Variants in MBP observed in about 807,000 individuals in gnomAD.
MBP encodes the protein Golli-MBP.
A neutral mutation model predicts 35.8 loss-of-function variants in MBP; 16 were observed. The ratio of observed to expected loss-of-function variants is 0.45; its 90% CI spans 0.30 to 0.68. MBP has a LOEUF of 0.68. MBP is among the 30% of genes least tolerant of loss of function. MBP has a pLI of 0.08. For missense variants in MBP, 380 were observed against 404.7 expected, an observed-to-expected ratio of 0.94 and a Z score of 0.52; for synonymous variants, 143 against 159.6, an observed-to-expected ratio of 0.90 and a Z score of 0.78.
intron 1 of MBP, among the ~76,000 whole-genome samples, chr18:77,122,209 ACAGTTTTC>A (rs1976905371): frequency 6.6e-6 from 1 of 152,174 alleles, no homozygotes; most frequent in Non-Finnish European, 1.5e-5. Flanking sequence ...ACATGTTTTA[ACAGTTTTC>A]CAGAACAGAC....
chr18:77,099,366 T>A (rs953280506), intron 2 of MBP, among the ~76,000 whole-genome samples: 28 of 152,024 alleles, frequency 1.8e-4, no homozygotes, highest in African/African-American at 6.1e-4. Context: ...CACCATGAGA[T>A]AAAATATATC....
chr18:77,074,240 C>T (rs983169658), intron 2 of MBP, among the ~76,000 whole-genome samples: 3 of 152,074 alleles, frequency 2.0e-5, no homozygotes, highest in African/African-American at 7.2e-5. Flanking sequence ...GGCCATGAGA[C>T]TTGTGCTGAT....
At chr18:77,030,405 G>C (rs962757707) in intron 3 of MBP, among the ~76,000 whole-genome samples, 1 of 152,162 alleles carries the variant, frequency 6.6e-6, no homozygotes, top group Admixed American at 6.5e-5. Flanking sequence ...GGACGGGAAG[G>C]GACAGGAAGG....
chr18:77,031,661 C>T (rs1972545428), intron 3 of MBP, among the ~76,000 whole-genome samples: 1 of 152,252 alleles, frequency 6.6e-6, no homozygotes, highest in African/African-American at 2.4e-5. Flanking sequence ...TTGCATTTTA[C>T]ATGCTAAGCT....
chr18:76,991,635 C>T (rs954238470), intron 4 of MBP, among the ~76,000 whole-genome samples: 3 of 152,190 alleles, frequency 2.0e-5, no homozygotes, highest in Non-Finnish European at 2.9e-5. Flanking sequence ...CTCACTGCTG[C>T]TCCCAGATGC....
At chr18:77,074,962 C>T (rs773847230) in intron 2 of MBP, among the ~76,000 whole-genome samples, 1 of 152,168 alleles carries the variant, frequency 6.6e-6, no homozygotes, top group Non-Finnish European at 1.5e-5. Context: ...ACATTATCCA[C>T]ATGTTCTAGG....
intron 3 of MBP, among the ~76,000 whole-genome samples, chr18:77,023,047 T>C (rs35173653): frequency 0.12 from 17,526 of 152,250 alleles, 1,245 homozygotes; most frequent in East Asian, 0.3. Flanking sequence ...ATTTCTGCAA[T>C]TGCAGGAAAA....
intron 3 of MBP, among the ~76,000 whole-genome samples, chr18:77,031,847 A>T (rs1255169161): frequency 6.6e-6 from 1 of 152,130 alleles, no homozygotes; most frequent in Non-Finnish European, 1.5e-5. Context: ...GACCTCTCTC[A>T]TGGATGGGGA....
At chr18:76,999,137 C>T (rs1472678007) in intron 4 of MBP, among the ~76,000 whole-genome samples, 1 of 151,822 alleles carries the variant, frequency 6.6e-6, no homozygotes, top group African/African-American at 2.4e-5. Flanking sequence ...GGAGAAGATG[C>T]TAGGCCTTAA....
At chr18:77,053,324 T>A (rs1321895941) in intron 3 of MBP, among the ~76,000 whole-genome samples, 5 of 152,216 alleles carry the variant, frequency 3.3e-5, no homozygotes, top group Admixed American at 2.6e-4. Context: ...AGCTGGACAT[T>A]TGCACACTCA....
intron 3 of MBP, among the ~76,000 whole-genome samples, chr18:77,034,081 C>G (rs55964464): frequency 7.0e-6 from 1 of 142,308 alleles, no homozygotes; most frequent in Non-Finnish European, 1.5e-5. Context: ...AAAAAGATTA[C>G]CTGGGGCCCT....
chr18:77,126,124 A>G (rs113580553), intron 1 of MBP, among the ~76,000 whole-genome samples: 35 of 152,358 alleles, frequency 2.3e-4, no homozygotes, highest in African/African-American at 7.5e-4. Flanking sequence ...ACAAAAAATG[A>G]GAACTATAGA....
rs1455828730 is a variant in MBP at position 77,020,345 on chromosome 18, C to A, written c.140-3077G>T. Among the ~76,000 whole-genome samples the A allele has an allele frequency of 6.6e-6, 1 of 152,108 alleles. No individual in the cohort carries two copies. Among genetic ancestry groups the A allele is most frequent in the Non-Finnish European group, 1.5e-5 (1 of 68,022 alleles). Reference sequence around the variant, plus strand: ...TTGAGAATGCATGCCTGCCAAGCGACCAAGAGTGAGCAGTGGACAGATATT... The same window carrying A: ...TTGAGAATGCATGCCTGCCAAGCGAACAAGAGTGAGCAGTGGACAGATATT... On this transcript the variant is annotated intron_variant, in intron 3 of 8. Transcript: ENST00000355994. This position sits in a 1 kb window ranked among gnomAD's most constrained non-coding sequence, Gnocchi z 4.1.
chr18:77,057,587 C>T (rs1475026638), intron 3 of MBP, among the ~76,000 whole-genome samples: 1 of 152,128 alleles, frequency 6.6e-6, no homozygotes, highest in African/African-American at 2.4e-5. Flanking sequence ...GAGGAGCTCC[C>T]GCGACTGCCA....
rs1256706996 is a variant in MBP, at chr18:76,988,684, G to A, written c.718-157C>T. The A allele has an allele frequency of 3.5e-6, 5 of 1,426,150 alleles. No homozygotes were observed. Among genetic ancestry groups the A allele is most frequent in the East Asian group, 4.6e-5 (2 of 43,626 alleles). 88.3% of individuals were successfully genotyped at this position (1,426,150 alleles called of 1,614,324 possible). A position where few individuals can be genotyped will look rare whatever the true frequency, so the allele number is the denominator to read the frequency against. Reference sequence around the variant, plus strand: ...GGGGCCGCAGGCTCAGGGCCACAGCGGCTGTGCAGGTGCGGGAGGGACAGG... The same window carrying A: ...GGGGCCGCAGGCTCAGGGCCACAGCAGCTGTGCAGGTGCGGGAGGGACAGG... On this transcript the variant is annotated intron_variant, in intron 6 of 8. Coordinates refer to ENST00000355994, the MANE Select transcript of MBP (RefSeq NM_001025101.2). This position sits in a 1 kb window ranked among gnomAD's most constrained non-coding sequence, Gnocchi z 5.2.
At chr18:77,119,295 C>T (rs1976814426) in intron 1 of MBP, among the ~76,000 whole-genome samples, 1 of 152,094 alleles carries the variant, frequency 6.6e-6, no homozygotes, top group Non-Finnish European at 1.5e-5. Context: ...TGTTCTGCTT[C>T]CCCATCCCCA....
intron 4 of MBP, chr18:77,005,217 T>C (rs1970874539): frequency 6.6e-6 from 1 of 152,154 alleles, no homozygotes; most frequent in Non-Finnish European, 1.5e-5. Flanking sequence ...GCAACGGAGG[T>C]GGACAAACGG....
chr18:76,992,868 A>G (rs963305974), intron 4 of MBP, among the ~76,000 whole-genome samples: 1 of 151,884 alleles, frequency 6.6e-6, no homozygotes, highest in African/African-American at 2.4e-5. Flanking sequence ...CTGTGCCCCT[A>G]TGCCCTGGCC....
chr18:77,058,233 T>TGGGGATGC (rs1040960433), intron 3 of MBP, among the ~76,000 whole-genome samples: 34 of 151,806 alleles, frequency 2.2e-4, no homozygotes, highest in South Asian at 4.2e-4. Flanking sequence ...TCAGGGGCGG[T>TGGGGATGC]GGGGATGCGG....
Sources: gnomAD v4.1 joint callset for allele counts (sites outside exome capture counted in the v4.1 genomes callset) on GRCh38, gnomAD v4.1.1 for gene constraint, Gnocchi (gnomAD v3.1) non-coding constraint, MANE v1.5 for transcripts, NCBI Gene and HGNC (gene_info 2026-07-23, HGNC 2026-07-21) for gene names.